The following VAV2 variants were observed in gnomAD, a reference collection of about 807,000 sequenced individuals.
VAV2 encodes vav guanine nucleotide exchange factor 2.
A neutral mutation model predicts 132.5 loss-of-function variants in VAV2; 67 were observed. The ratio of observed to expected loss-of-function variants is 0.51; its 90% confidence interval spans 0.42 to 0.62. The LOEUF is 0.62. Ranked by LOEUF, VAV2 falls within the 20% of genes least tolerant of loss-of-function variation. VAV2 has a pLI of 0.00. For synonymous variants in VAV2, 492 were observed against 443.5 expected (o/e 1.11, Z -1.37); for missense variants, 938 against 1,153.6 (o/e 0.81, Z 2.71).
chr9:133,945,020 G>T (rs1329788831), intron 1 of VAV2, among the ~76,000 whole-genome samples: 1 of 152,212 alleles, frequency 6.6e-6, no homozygotes, highest in Non-Finnish European at 1.5e-5. Flanking sequence ...AGAAGGCCAG[G>T]CACTGGGCTA....
chr9:133,855,729 G>A (rs944615997), intron 3 of VAV2, among the ~76,000 whole-genome samples: 1 of 152,178 alleles, frequency 6.6e-6, no homozygotes, highest in African/African-American at 2.4e-5. Flanking sequence ...CTAATGCTTT[G>A]TCGTGCTTAG....
chr9:133,822,190 T>C (rs1292114906), intron 4 of VAV2, among the ~76,000 whole-genome samples: 2 of 152,230 alleles, frequency 1.3e-5, no homozygotes, highest in Non-Finnish European at 2.9e-5. Flanking sequence ...CAAACTCTGC[T>C]TTCTGCCCCT....
At chr9:133,976,597 G>T (rs1354164861) in intron 1 of VAV2, among the ~76,000 whole-genome samples, 1 of 152,182 alleles carries the variant, frequency 6.6e-6, no homozygotes. Flanking sequence ...TGGAGTTGTG[G>T]AACTTTTTCA....
At chr9:133,838,445 G>C (rs939566088) in intron 3 of VAV2, among the ~76,000 whole-genome samples, 14 of 131,350 alleles carry the variant, frequency 1.1e-4, no homozygotes, top group Admixed American at 1.5e-4. Flanking sequence ...ATGAATGGAT[G>C]GGTGGGTAAG....
intron 2 of VAV2, among the ~76,000 whole-genome samples, chr9:133,866,332 G>A (rs1837798513): frequency 6.6e-6 from 1 of 152,148 alleles, no homozygotes; most frequent in African/African-American, 2.4e-5. Flanking sequence ...AGGAGCCCAC[G>A]CTCACTGGAC....
chr9:133,895,645 T>TG (rs1031180891), intron 2 of VAV2, among the ~76,000 whole-genome samples: 2 of 150,880 alleles, frequency 1.3e-5, no homozygotes, highest in African/African-American at 4.9e-5. Context: ...TGGGGAAATT[T>TG]GGGGGGGATG....
At chr9:133,836,764 C>T (rs1178262003) in intron 3 of VAV2, among the ~76,000 whole-genome samples, 6 of 152,170 alleles carry the variant, frequency 3.9e-5, no homozygotes, top group African/African-American at 7.2e-5. Flanking sequence ...TTCTAGAACC[C>T]GCCCTGCTAA....
intron 1 of VAV2, among the ~76,000 whole-genome samples, chr9:133,988,327 A>T (rs1251697501): frequency 6.6e-6 from 1 of 152,148 alleles, no homozygotes; most frequent in African/African-American, 2.4e-5. Flanking sequence ...TCCACAAGAG[A>T]GTAAGCCAGC....
rs766145091 is a variant in VAV2, at chr9:133,826,334, G to A, written c.449+7938C>T. Among the ~76,000 whole-genome samples, 1 of 152,178 alleles carries A rather than the reference G, an allele frequency of 6.6e-6. No individual in the cohort carries two copies. Among genetic ancestry groups the A allele is most frequent in the Non-Finnish European group, 1.5e-5 (1 of 68,028 alleles). ...CCTCACATCCAAGCCCTCGCCCAGA[G>A]CCCTGGCCCCAGAATCTCCCTCCCC... is the stretch of plus-strand genomic sequence containing the variant. On this transcript the variant is annotated intron_variant, in intron 4 of 29. Coordinates refer to ENST00000371850, the MANE Select transcript of VAV2 (RefSeq NM_001134398.2). The surrounding 1 kb of genome is among the most constrained non-coding windows in gnomAD (Gnocchi z 4.2).
chr9:133,822,166 CA>C (rs58777458), intron 4 of VAV2, among the ~76,000 whole-genome samples: 30,985 of 152,106 alleles, frequency 0.2, 3,973 homozygotes, highest in African/African-American at 0.35. Context: ...CACAGAAAAT[CA>C]AAAGAAAACC....
At position 133,840,978 on chromosome 9, in the gene VAV2, G is replaced by C. The variant is rs1172299978; in HGVS notation, c.381-6638C>G. ...GTGCAGACCCTCAGGATCTCAGCTAGAGGGACGACAGCTTGGGTTTGCTTT... is the reference window on the plus strand; with the variant it reads ...GTGCAGACCCTCAGGATCTCAGCTACAGGGACGACAGCTTGGGTTTGCTTT... On this transcript the variant is annotated intron_variant, in intron 3 of 29. Coordinates refer to ENST00000371850, the MANE Select transcript of VAV2 (RefSeq NM_001134398.2). This position sits in a 1 kb window ranked among gnomAD's most constrained non-coding sequence, Gnocchi z 4.5. 6.6e-6 allele frequency among the ~76,000 whole-genome samples: 1 copy of C among 152,174 alleles called. No individual in the cohort carries two copies. The highest frequency in any genetic ancestry group is 1.5e-5 in the Non-Finnish European group (1 of 68,046).
chr9:133,939,472 C>T (rs934239419), intron 1 of VAV2, among the ~76,000 whole-genome samples: 1 of 152,144 alleles, frequency 6.6e-6, no homozygotes, highest in African/African-American at 2.4e-5. Context: ...GGTGTAGCCA[C>T]CACCGCCCCC....
intron 1 of VAV2, among the ~76,000 whole-genome samples, chr9:133,957,500 G>A (rs559870373): frequency 2.6e-5 from 4 of 152,006 alleles, no homozygotes; most frequent in East Asian, 1.9e-4. Flanking sequence ...GTGCCCCTTC[G>A]CTGACAGCAC....
rs139233639 is a variant in VAV2 at position 133,918,205 on chromosome 9, G to A, written c.321+20898C>T. Among the ~76,000 whole-genome samples the A allele has an allele frequency of 6.0e-4, 91 of 152,306 alleles. No homozygotes were observed. The highest frequency in any genetic ancestry group is 6.8e-3 in the Middle Eastern group (2 of 294). On this transcript the variant is annotated intron_variant, in intron 2 of 29. Transcript: ENST00000371850. This position sits in a 1 kb window ranked among gnomAD's most constrained non-coding sequence, Gnocchi z 4.7. Reference sequence around the variant, plus strand: ...CTCCAGTGACATTAATAGGGAAACCGTCGGAAATGCTAAAGAGGACTCGGT... The same window carrying A: ...CTCCAGTGACATTAATAGGGAAACCATCGGAAATGCTAAAGAGGACTCGGT...
rs1393821564 is a variant in VAV2 at position 133,826,964 on chromosome 9, C to T, written c.449+7308G>A. Among the ~76,000 whole-genome samples the T allele has an allele frequency of 6.6e-6, 1 of 152,164 alleles. No individual in the cohort carries two copies. Among genetic ancestry groups the T allele is most frequent in the Non-Finnish European group, 1.5e-5 (1 of 68,024 alleles). ...GTGGCACCCAATCCGGGTGCCCTTT[C>T]CAAATCCTCCTCCATCAAGGCCTGG... is the stretch of plus-strand genomic sequence containing the variant. On this transcript the variant is annotated intron_variant, in intron 4 of 29. Coordinates refer to ENST00000371850, the MANE Select transcript of VAV2 (RefSeq NM_001134398.2). The surrounding 1 kb of genome is among the most constrained non-coding windows in gnomAD (Gnocchi z 4.2).
At chr9:133,895,556 T>A (rs149667566) in intron 2 of VAV2, among the ~76,000 whole-genome samples, 1 of 152,140 alleles carries the variant, frequency 6.6e-6, no homozygotes, top group African/African-American at 2.4e-5. Context: ...ACAGGGACAA[T>A]CTATTGTGAC....
chr9:133,834,154 C>A lies in VAV2; in HGVS notation c.449+118G>T. 1 of 1,199,070 alleles carries A rather than the reference C, an allele frequency of 8.3e-7. No individual in the cohort carries two copies. Among genetic ancestry groups the A allele is most frequent in the South Asian group, 1.4e-5 (1 of 69,046 alleles). The allele number at this position is 1,199,070 out of a possible 1,614,324, so 74.3% of individuals were successfully genotyped here. On this transcript the variant is annotated intron_variant, in intron 4 of 29. Transcript: ENST00000371850. This position sits in a 1 kb window ranked among gnomAD's most constrained non-coding sequence, Gnocchi z 5.9. Reference sequence around the variant, plus strand: ...TGAGGAGATGCCCCGGTGGGAAGGGCCAGGGCCAGCTCTGCCTGCACTGTG... The same window carrying A: ...TGAGGAGATGCCCCGGTGGGAAGGGACAGGGCCAGCTCTGCCTGCACTGTG...
intron 12 of VAV2, 129 bp downstream of exon 12, chr9:133,795,539 C>T (rs1169248098): frequency 1.7e-6 from 2 of 1,195,366 alleles, no homozygotes; most frequent in Non-Finnish European, 2.4e-6. Flanking sequence ...CCTGCCCTGC[C>T]CCAACTCCTG....
chr9:133,913,238 A>G lies in VAV2; in HGVS notation c.321+25865T>C, dbSNP rs757099506. ...CCTGTGCTCCCAAACAACGGCTCATAGCTGGCGCCACGGCCCCCATGAGAA... is the reference window on the plus strand; with the variant it reads ...CCTGTGCTCCCAAACAACGGCTCATGGCTGGCGCCACGGCCCCCATGAGAA... On this transcript the variant is annotated intron_variant, in intron 2 of 29. Coordinates refer to ENST00000371850, the MANE Select transcript of VAV2 (RefSeq NM_001134398.2). Among the ~76,000 whole-genome samples the G allele has an allele frequency of 1.0e-3, 157 of 152,208 alleles. 7 individuals are homozygous for G. The highest frequency in any genetic ancestry group is 4.1e-4 in the Non-Finnish European group (28 of 68,044).
Sources: allele counts gnomAD v4.1 joint callset (sites outside exome capture counted in the v4.1 genomes callset), GRCh38; gene constraint gnomAD v4.1.1; non-coding constraint Gnocchi (gnomAD v3.1); transcripts MANE v1.5; gene names NCBI Gene and HGNC (gene_info 2026-07-23, HGNC 2026-07-21).